NTRK2: variants seen among roughly 807,000 people sequenced by gnomAD.
NTRK2 encodes neurotrophic receptor tyrosine kinase 2, also known as BDNF/NT-3 growth factors receptor.
Under a neutral mutation model 94.5 loss-of-function variants are expected in NTRK2, and 13 were observed. The observed-to-expected ratio is 0.14, with a 90% CI of 0.09 to 0.22. The LOEUF is 0.22. Ranked by LOEUF, NTRK2 falls within the 10% of genes least tolerant of loss-of-function variation. The pLI is 1.00. For synonymous variants in NTRK2, 372 were observed against 407.4 expected (o/e 0.91, Z 1.05); for missense variants, 639 against 1,071.2 (o/e 0.60, Z 5.63).
Position 84,961,249 on chromosome 9 carries a change from TG to T in NTRK2, c.2172+5734del, listed in dbSNP as rs546906709. On this transcript the variant is annotated intron_variant, in intron 17 of 18. Transcript: ENST00000277120. ...TCTGTGTCATTAACTCTCATTTGCA[TG>T]GATCATTTTCTTATTTTTCTCATCA... Among the ~76,000 whole-genome samples the T allele has an allele frequency of 2.4e-3, 358 of 152,336 alleles. 1 individual carries two copies. Among genetic ancestry groups the T allele is most frequent in the African/African-American group, 8.3e-3 (344 of 41,582 alleles).
chr9:84,894,284 C>T (rs191848474), intron 14 of NTRK2, among the ~76,000 whole-genome samples: 7 of 152,108 alleles, frequency 4.6e-5, no homozygotes, highest in African/African-American at 1.2e-4. Context: ...GCATCTCACA[C>T]GTGTAGTTTA....
intron 17 of NTRK2, among the ~76,000 whole-genome samples, chr9:85,017,291 C>T (rs1404159808): frequency 6.6e-6 from 1 of 152,156 alleles, no homozygotes; most frequent in Non-Finnish European, 1.5e-5. Flanking sequence ...GTAAATACCT[C>T]CCAACAACAT....
chr9:84,751,369 C>T (rs908499810), intron 11 of NTRK2, among the ~76,000 whole-genome samples: 2 of 152,004 alleles, frequency 1.3e-5, no homozygotes, highest in African/African-American at 4.8e-5. Context: ...TCCTTGAGCC[C>T]GGGATTTCAA....
chr9:84,977,979 G>A (rs903045648), intron 17 of NTRK2, among the ~76,000 whole-genome samples: 2 of 152,162 alleles, frequency 1.3e-5, no homozygotes, highest in Admixed American at 6.5e-5. Flanking sequence ...GTAAGACAGT[G>A]AACTTAATAA....
chr9:84,795,829 T>A (rs2069250868), intron 12 of NTRK2, among the ~76,000 whole-genome samples: 1 of 152,226 alleles, frequency 6.6e-6, no homozygotes, highest in Admixed American at 6.5e-5. Flanking sequence ...CATGGCCCTT[T>A]AAGGGAGGTT....
At chr9:84,959,261 G>T (rs1447585601) in intron 17 of NTRK2, among the ~76,000 whole-genome samples, 1 of 152,198 alleles carries the variant, frequency 6.6e-6, no homozygotes, top group Non-Finnish European at 1.5e-5. Flanking sequence ...TCGCAGTAAT[G>T]GGACACAGTT....
intron 12 of NTRK2, among the ~76,000 whole-genome samples, chr9:84,850,442 T>G (rs1406034701): frequency 6.6e-6 from 1 of 152,184 alleles, no homozygotes; most frequent in African/African-American, 2.4e-5. Context: ...ACTGGAATCT[T>G]AAGGTGAAAT....
intron 9 of NTRK2, among the ~76,000 whole-genome samples, chr9:84,739,666 C>T (rs553463517): frequency 2.0e-4 from 31 of 152,214 alleles, no homozygotes; most frequent in South Asian, 1.9e-3. Flanking sequence ...CTCTCACATG[C>T]GGTGGGGGTC....
intron 12 of NTRK2, among the ~76,000 whole-genome samples, chr9:84,837,353 G>A (rs2073937127): frequency 6.6e-6 from 1 of 152,154 alleles, no homozygotes; most frequent in Admixed American, 6.5e-5. Flanking sequence ...CAGGCTGCCT[G>A]GGATCTAAGT....
chr9:85,005,049 G>A (rs1481602806), intron 17 of NTRK2, among the ~76,000 whole-genome samples: 2 of 152,112 alleles, frequency 1.3e-5, no homozygotes, highest in African/African-American at 4.8e-5. Context: ...TTTCTAGTGA[G>A]GAACTGGGAC....
intron 14 of NTRK2, chr9:84,874,516 T>C (rs200282816): frequency 9.4e-6 from 10 of 1,065,686 alleles, no homozygotes; most frequent in Non-Finnish European, 1.1e-5. Context: ...GGTTGATTGC[T>C]GAGGTTGTAG....
chr9:84,985,939 C>T (rs1289895347), intron 17 of NTRK2, among the ~76,000 whole-genome samples: 1 of 152,098 alleles, frequency 6.6e-6, no homozygotes, highest in African/African-American at 2.4e-5. Flanking sequence ...GGGCAAGGAA[C>T]ACTAAGAAGA....
chr9:84,691,531 G>T (rs947995168), intron 2 of NTRK2, among the ~76,000 whole-genome samples: 1 of 152,142 alleles, frequency 6.6e-6, no homozygotes, highest in African/African-American at 2.4e-5. Flanking sequence ...GTTAAGGCCA[G>T]ATCTGTTCTC....
intron 17 of NTRK2, among the ~76,000 whole-genome samples, chr9:84,981,369 T>A (rs927670589): frequency 3.3e-5 from 5 of 152,172 alleles, no homozygotes. Context: ...CCCAAAGTGC[T>A]GGGATTACAG....
intron 2 of NTRK2, among the ~76,000 whole-genome samples, chr9:84,677,881 AT>A (rs1292184910): frequency 6.6e-6 from 1 of 152,166 alleles, no homozygotes; most frequent in African/African-American, 2.4e-5. Flanking sequence ...GAGATAAATG[AT>A]TTGGTTGCCT....
At chr9:84,923,348 T>G (rs2077631378) in intron 14 of NTRK2, among the ~76,000 whole-genome samples, 1 of 152,202 alleles carries the variant, frequency 6.6e-6, no homozygotes, top group South Asian at 2.1e-4. Flanking sequence ...GTTATCGCTG[T>G]TTACCACATT....
chr9:84,958,050 A>G (rs1315812711), intron 17 of NTRK2, among the ~76,000 whole-genome samples: 1 of 152,200 alleles, frequency 6.6e-6, no homozygotes, highest in Non-Finnish European at 1.5e-5. Flanking sequence ...GCAAATCCAT[A>G]GAGACAGGAA....
rs545193020 is a variant in NTRK2, at chr9:84,993,340, C to T, written c.2173-26866C>T. ...CTGCAGAGCTCCCTTTATCTCAACA[C>T]AGGCAGCTCCTCTCCCAATAGCCTC... On this transcript the variant is annotated intron_variant, in intron 17 of 18. Coordinates refer to ENST00000277120, the MANE Select transcript of NTRK2 (RefSeq NM_006180.6). 1.6e-4 allele frequency among the ~76,000 whole-genome samples: 24 copies of T among 152,332 alleles called. No individual in the cohort carries two copies. The South Asian group carries it at 4.8e-3, about 30-fold the overall frequency.
Position 84,670,452 on chromosome 9 carries a change from G to T in NTRK2, c.-297G>T, listed in dbSNP as rs77562929. 3,486 of 479,820 alleles carry T rather than the reference G, an allele frequency of 7.3e-3. 34 individuals are homozygous for T. The highest frequency in any genetic ancestry group is 9.0e-3 in the Admixed American group (245 of 27,364). The allele number at this position is 479,820 out of a possible 1,614,324, so 29.7% of individuals were successfully genotyped here. ...CCCAGAGAGTCCCGGGAGCGCCGCC[G>T]GTCGGTGCCCGGCGCGCCGGGCCAT... is the stretch of plus-strand genomic sequence containing the variant. On this transcript the variant is annotated 5_prime_UTR_variant, in exon 2 of 19. Coordinates refer to ENST00000277120, the MANE Select transcript of NTRK2 (RefSeq NM_006180.6).
Sources: allele counts gnomAD v4.1 joint callset (sites outside exome capture counted in the v4.1 genomes callset), GRCh38; gene constraint gnomAD v4.1.1; transcripts MANE v1.5; gene names NCBI Gene and HGNC (gene_info 2026-07-23, HGNC 2026-07-21).